TEX2: variants seen among roughly 807,000 people sequenced by gnomAD.
TEX2 encodes the protein testis expressed 2.
TEX2 carries 53 observed loss-of-function variants against 106.9 expected under a neutral mutation model. The observed-to-expected ratio is 0.50, with a 90% CI of 0.40 to 0.62. TEX2 has a LOEUF of 0.62. Ranked by LOEUF, TEX2 falls within the 20% of genes least tolerant of loss-of-function variation. The pLI, the probability that TEX2 is intolerant of heterozygous loss-of-function variation, is 0.00. For missense variants in TEX2, 1,207 were observed against 1,379.0 expected, an observed-to-expected ratio of 0.88 and a Z score of 1.98; for synonymous variants, 523 against 534.8, an observed-to-expected ratio of 0.98 and a Z score of 0.30.
At chr17:64,259,453 T>A (rs2034249321) in intron 1 of TEX2, among the ~76,000 whole-genome samples, 1 of 152,228 alleles carries the variant, frequency 6.6e-6, no homozygotes, top group South Asian at 2.1e-4. Flanking sequence ...TATTACAATA[T>A]TTACTTTAAA....
At chr17:64,187,424 G>A (rs1352164284) in intron 5 of TEX2, among the ~76,000 whole-genome samples, 3 of 151,744 alleles carry the variant, frequency 2.0e-5, no homozygotes, top group Non-Finnish European at 4.4e-5. Context: ...TCCAGCCAGC[G>A]CCTCCTGCCA....
chr17:64,211,706 G>C (rs1263685518), intron 2 of TEX2, among the ~76,000 whole-genome samples: 3 of 152,112 alleles, frequency 2.0e-5, no homozygotes, highest in East Asian at 3.9e-4. Context: ...GGTATCCTTG[G>C]GGGGGGTCCT....
At chr17:64,223,715 T>TC (rs1223374754) in intron 1 of TEX2, among the ~76,000 whole-genome samples, 1 of 144,460 alleles carries the variant, frequency 6.9e-6, no homozygotes, top group Non-Finnish European at 1.5e-5. Context: ...CAGAGCATCT[T>TC]TTTTTTTTTT....
At chr17:64,192,264 T>C (rs928077805) in intron 4 of TEX2, among the ~76,000 whole-genome samples, 32 of 152,342 alleles carry the variant, frequency 2.1e-4, no homozygotes, top group African/African-American at 7.7e-4. Flanking sequence ...AACAGAGTCA[T>C]TGTAGATGCC....
intron 2 of TEX2, among the ~76,000 whole-genome samples, chr17:64,207,717 A>G (rs1598179269): frequency 6.7e-6 from 1 of 149,672 alleles, no homozygotes; most frequent in Non-Finnish European, 1.5e-5. Context: ...CCAATCCTCC[A>G]CTTAGTATTT....
intron 4 of TEX2, among the ~76,000 whole-genome samples, chr17:64,190,847 T>C (rs2032269127): frequency 6.6e-6 from 1 of 152,222 alleles, no homozygotes; most frequent in Middle Eastern, 3.4e-3. Context: ...AGAAGCACAA[T>C]CCGTGTTGCT....
chr17:64,224,631 C>T (rs782580322), intron 1 of TEX2, among the ~76,000 whole-genome samples: 3 of 152,144 alleles, frequency 2.0e-5, no homozygotes, highest in Non-Finnish European at 4.4e-5. Context: ...CCATCTCTTC[C>T]GACCCAGCAG....
At chr17:64,181,811 C>T (rs1308801572) in intron 5 of TEX2, among the ~76,000 whole-genome samples, 2 of 138,502 alleles carry the variant, frequency 1.4e-5, no homozygotes, top group Admixed American at 7.8e-5. Flanking sequence ...CCACCATGCC[C>T]GGCTGGTTTT....
At chr17:64,243,114 A>G (rs1356537058) in intron 1 of TEX2, among the ~76,000 whole-genome samples, 1 of 152,010 alleles carries the variant, frequency 6.6e-6, no homozygotes, top group Non-Finnish European at 1.5e-5. Context: ...TTTTTAGTAG[A>G]GACGGGATTT....
At chr17:64,202,451 G>A (rs17562856) in intron 2 of TEX2, among the ~76,000 whole-genome samples, 10,217 of 152,166 alleles carry the variant, frequency 0.067, 460 homozygotes, top group Non-Finnish European at 0.096. Context: ...GCAATTTCCC[G>A]GTGCAAACCT....
At chr17:64,229,252 G>A (rs1166268535) in intron 1 of TEX2, among the ~76,000 whole-genome samples, 1 of 152,158 alleles carries the variant, frequency 6.6e-6, no homozygotes. Context: ...CTTCAACCCT[G>A]GTCAAGACTG....
intron 4 of TEX2, among the ~76,000 whole-genome samples, 197 bp from the exon 5 acceptor site, chr17:64,188,612 C>T (rs1016017434): frequency 5.3e-5 from 8 of 152,022 alleles, no homozygotes; most frequent in African/African-American, 1.9e-4. Flanking sequence ...GTCAGGAGAT[C>T]GAGACCATCC....
At chr17:64,158,200 C>G (rs1270877828) in intron 8 of TEX2, among the ~76,000 whole-genome samples, 4 of 152,260 alleles carry the variant, frequency 2.6e-5, no homozygotes, top group East Asian at 1.9e-4. Context: ...AGGTTAAAAT[C>G]TCAGTCTAAC....
intron 8 of TEX2, among the ~76,000 whole-genome samples, chr17:64,158,960 T>C (rs887616371): frequency 6.6e-6 from 1 of 152,010 alleles, no homozygotes; most frequent in Non-Finnish European, 1.5e-5. Context: ...TAGAAAAAAA[T>C]AGTACTTTAG....
chr17:64,165,929 C>G (rs949093700), intron 7 of TEX2, among the ~76,000 whole-genome samples: 43 of 152,212 alleles, frequency 2.8e-4, no homozygotes, highest in Admixed American at 2.6e-3. Flanking sequence ...CAAGGCAAAA[C>G]CCAGTCGGGT....
At chr17:64,254,830 T>C (rs527905089) in intron 1 of TEX2, among the ~76,000 whole-genome samples, 2 of 152,274 alleles carry the variant, frequency 1.3e-5, no homozygotes, top group East Asian at 3.9e-4. Flanking sequence ...CTCATAATTT[T>C]ATGAGCCACT....
In TEX2 at chr17:64,193,734, G is replaced by A. The variant is rs770291242; in HGVS notation, c.2001C>T (p.Asp667=). The part of the protein sequence containing the change: ...EEKPPAEGSE[D]PKKPPRPQEG... ...CCTGAGGGCGGGGTGGCTTCTTAGG[G>A]TCCTCACTTCCCTCAGCTGGCGGCT... Residue 667 remains aspartate (D), a synonymous_variant, in exon 4 of 12, where the codon GAC becomes GAT. Transcript: ENST00000584379. 1.2e-6 allele frequency: 2 copies of A among 1,613,438 alleles called. No homozygotes were observed. Among genetic ancestry groups the A allele is most frequent in the South Asian group, 1.1e-5 (1 of 90,976 alleles).
chr17:64,160,725 A>T, intron 8 of TEX2, 76 bp downstream of exon 8: 1 of 1,571,314 alleles, frequency 6.4e-7, no homozygotes, highest in Admixed American at 1.8e-5. Context: ...CTACACATCA[A>T]ATCTGCTTCT....
At chr17:64,150,065 T>C (rs2030274348) in intron 11 of TEX2, 1 of 152,200 alleles carries the variant, frequency 6.6e-6, no homozygotes, top group South Asian at 2.1e-4. Context: ...ATCTCTAGTT[T>C]TTAAATAAGA....
Sources: gnomAD v4.1 joint callset for allele counts (sites outside exome capture counted in the v4.1 genomes callset) on GRCh38, gnomAD v4.1.1 for gene constraint, MANE v1.5 for transcripts, NCBI Gene and HGNC (gene_info 2026-07-23, HGNC 2026-07-21) for gene names.